DAB2IP: variants seen among roughly 807,000 people sequenced by gnomAD.
DAB2IP encodes disabled homolog 2-interacting protein.
Under a neutral mutation model 107.2 loss-of-function variants are expected in DAB2IP, and 28 were observed. That is an observed-to-expected ratio of 0.26 (90% CI 0.19 to 0.36). The LOEUF (loss-of-function observed/expected upper bound fraction) is 0.36. Among genes scored for constraint, DAB2IP ranks in the 10% least tolerant of loss-of-function variants. The pLI is 1.00. For synonymous variants in DAB2IP, 755 were observed against 706.4 expected (o/e 1.07, Z -1.09); for missense variants, 1,400 against 1,644.7 (o/e 0.85, Z 2.57).
chr9:121,595,867 G>T (rs1351533105), intron 1 of DAB2IP, among the ~76,000 whole-genome samples: 2 of 152,164 alleles, frequency 1.3e-5, no homozygotes, highest in Non-Finnish European at 2.9e-5. Context: ...CAGTCACGTA[G>T]TTTGTGGAAT....
At chr9:121,704,396 T>C (rs1274463669) in intron 3 of DAB2IP, among the ~76,000 whole-genome samples, 1 of 152,218 alleles carries the variant, frequency 6.6e-6, no homozygotes, top group Non-Finnish European at 1.5e-5. Flanking sequence ...TTTTTTGTTA[T>C]TTGCATTCAT....
At chr9:121,671,299 G>A (rs1833671571) in intron 1 of DAB2IP, among the ~76,000 whole-genome samples, 1 of 152,222 alleles carries the variant, frequency 6.6e-6, no homozygotes, top group South Asian at 2.1e-4. Context: ...TTGCACCACT[G>A]CATTCCAGCC....
chr9:121,699,228 G>T lies in DAB2IP; in HGVS notation c.229-97G>T. 10 of 1,022,696 alleles carry T rather than the reference G, an allele frequency of 9.8e-6. No individual in the cohort carries two copies. The highest frequency in any genetic ancestry group is 1.1e-5 in the Non-Finnish European group (9 of 854,806). 63.4% of individuals were successfully genotyped at this position (1,022,696 alleles called of 1,614,324 possible). A position where few individuals can be genotyped will look rare whatever the true frequency, so the allele number is the denominator to read the frequency against. ...GAGCCCGGCCCGCCCTCGGCCGCGC[G>T]GCCGCCCAGCAAGGGTGCGGGTCCC... On this transcript the variant is annotated intron_variant, in intron 2 of 15. Transcript: ENST00000408936. The surrounding 1 kb of genome is among the most constrained non-coding windows in gnomAD (Gnocchi z 6.2).
rs1399004498 is a variant in DAB2IP at position 121,702,623 on chromosome 9, G to T, written c.362+3165G>T. Among the ~76,000 whole-genome samples the T allele has an allele frequency of 6.6e-6, 1 of 152,182 alleles. No individual in the cohort carries two copies. The highest frequency in any genetic ancestry group is 1.5e-5 in the Non-Finnish European group (1 of 68,034). ...CCAGGTGAAAGGTGTGCCGGCAAAA[G>T]CATTTTCATTTTGCACACTGGAAAT... On this transcript the variant is annotated intron_variant, in intron 3 of 15. Transcript: ENST00000408936. This position sits in a 1 kb window ranked among gnomAD's most constrained non-coding sequence, Gnocchi z 4.5.
intron 1 of DAB2IP, among the ~76,000 whole-genome samples, chr9:121,626,783 A>T (rs546459375): frequency 6.6e-6 from 1 of 152,300 alleles, no homozygotes; most frequent in South Asian, 2.1e-4. Flanking sequence ...CTCTTGCTCA[A>T]GAATGACGAA....
At chr9:121,641,063 A>T (rs1832270688) in intron 1 of DAB2IP, among the ~76,000 whole-genome samples, 2 of 148,836 alleles carry the variant, frequency 1.3e-5, no homozygotes, top group South Asian at 4.5e-4. Context: ...TCCTCCTGGG[A>T]TGGGGTGACT....
At chr9:121,706,375 C>A (rs1830058677) in intron 3 of DAB2IP, among the ~76,000 whole-genome samples, 1 of 152,158 alleles carries the variant, frequency 6.6e-6, no homozygotes, top group Non-Finnish European at 1.5e-5. Flanking sequence ...GAAGCCACCC[C>A]CCAGTCAGAG....
chr9:121,658,781 T>G (rs1429171592), intron 1 of DAB2IP, among the ~76,000 whole-genome samples: 1 of 152,184 alleles, frequency 6.6e-6, no homozygotes, highest in Non-Finnish European at 1.5e-5. Context: ...CATCACGCCC[T>G]TGGAAATGCG....
chr9:121,584,748 C>T (rs548012873), intron 1 of DAB2IP, among the ~76,000 whole-genome samples: 12 of 152,224 alleles, frequency 7.9e-5, no homozygotes, highest in African/African-American at 2.4e-4. Flanking sequence ...GGAAGCGGGG[C>T]GCAGAGTGGC....
intron 1 of DAB2IP, among the ~76,000 whole-genome samples, chr9:121,573,189 G>C (rs1463743570): frequency 6.6e-6 from 1 of 152,022 alleles, no homozygotes; most frequent in African/African-American, 2.4e-5. Flanking sequence ...CGATTCTCCT[G>C]CCTCAACCTC....
chr9:121,678,990 C>T (rs187099756), intron 2 of DAB2IP: 170 of 465,894 alleles, frequency 3.6e-4, no homozygotes, highest in Non-Finnish European at 6.0e-4. Flanking sequence ...GGGGTCCCAT[C>T]CTGAGAGGGA....
chr9:121,644,190 G>GGAAGAA (rs1832456509), intron 1 of DAB2IP, among the ~76,000 whole-genome samples: 2 of 139,350 alleles, frequency 1.4e-5, no homozygotes, highest in African/African-American at 5.2e-5. Flanking sequence ...AAGAAGAGGA[G>GGAAGAA]GAGGAAGAAG....
intron 3 of DAB2IP, among the ~76,000 whole-genome samples, chr9:121,708,736 A>T (rs1294899023): frequency 6.6e-6 from 1 of 152,254 alleles, no homozygotes; most frequent in Non-Finnish European, 1.5e-5. Flanking sequence ...CAGTAATGCA[A>T]TTCAAGGTCC....
At chr9:121,642,076 T>TTTCTTTCTTTCTTTCTTTCTTTCTTTC (rs1564129085) in intron 1 of DAB2IP, among the ~76,000 whole-genome samples, 2 of 135,758 alleles carry the variant, frequency 1.5e-5, no homozygotes, top group Non-Finnish European at 3.1e-5. Context: ...TCTTTCTTTC[T>TTTCTTTCTTTCTTTCTTTCTTTCTTTC]TTCTTTCTCA....
chr9:121,592,968 C>T (rs1490338552), intron 1 of DAB2IP, among the ~76,000 whole-genome samples: 1 of 150,976 alleles, frequency 6.6e-6, no homozygotes, highest in Non-Finnish European at 1.5e-5. Flanking sequence ...CAGGGGGTGG[C>T]ACAAAGGACA....
chr9:121,614,302 T>C (rs1187101292), intron 1 of DAB2IP, among the ~76,000 whole-genome samples: 1 of 150,858 alleles, frequency 6.6e-6, no homozygotes, highest in African/African-American at 2.4e-5. Flanking sequence ...ACCTAATGTG[T>C]CCAGGACTCT....
chr9:121,781,460 A>G lies in DAB2IP; in HGVS notation c.3315-4A>G, dbSNP rs1379588364. On this transcript the variant is annotated splice_region_variant and splice_polypyrimidine_tract_variant and intron_variant, in intron 14 of 15. Coordinates refer to ENST00000408936, the Ensembl canonical transcript of DAB2IP. ...AGTCTGACTGTCTCTGTCTCTGGCT[A>G]TAGGTTGATGTCCGTGGAGGAAGAA... 1 of 1,613,478 alleles carries G rather than the reference A, an allele frequency of 6.2e-7. No individual in the cohort carries two copies. The highest frequency in any genetic ancestry group is 1.3e-5 in the African/African-American group (1 of 74,884).
intron 1 of DAB2IP, among the ~76,000 whole-genome samples, chr9:121,567,986 G>A (rs1422881336): frequency 3.3e-5 from 5 of 151,992 alleles, no homozygotes; most frequent in African/African-American, 9.7e-5. Flanking sequence ...GAGTGTGGCC[G>A]AGGCACCGAG....
intron 1 of DAB2IP, among the ~76,000 whole-genome samples, chr9:121,570,019 T>A (rs997088989): frequency 2.0e-5 from 3 of 151,698 alleles, no homozygotes; most frequent in Non-Finnish European, 2.9e-5. Context: ...GGTCTAGAAC[T>A]CTCGGGCTCA....
Sources: allele counts gnomAD v4.1 joint callset (sites outside exome capture counted in the v4.1 genomes callset), GRCh38; gene constraint gnomAD v4.1.1; non-coding constraint Gnocchi (gnomAD v3.1); transcripts MANE v1.5; gene names NCBI Gene and HGNC (gene_info 2026-07-23, HGNC 2026-07-21).